Variants in SNX14 observed in about 807,000 individuals in gnomAD.
SNX14 encodes sorting nexin 14.
In SNX14, 93 loss-of-function variants were observed where a neutral mutation model predicts 133.8. The observed-to-expected ratio is 0.70, with a 90% CI of 0.59 to 0.83. The LOEUF is 0.83. SNX14 is among the 40% of genes least tolerant of loss of function. SNX14 has a pLI of 0.00. For synonymous variants in SNX14, 368 were observed against 365.6 expected (o/e 1.01, Z -0.07); for missense variants, 945 against 1,094.9 (o/e 0.86, Z 1.93).
chr6:85,575,909 GAGA>G lies in SNX14; in HGVS notation c.141-1534_141-1532del, dbSNP rs1797173059. The stretch of plus-strand genomic sequence containing the variant: ...CGCTCCATATCCCATGTTATCGGAT[GAGA>G]AGAAGACAAACACTGTTTAAGTTAC... On this transcript the variant is annotated intron_variant, in intron 1 of 28. Coordinates refer to ENST00000314673, the MANE Select transcript of SNX14 (RefSeq NM_153816.6). 2.0e-5 allele frequency among the ~76,000 whole-genome samples: 3 copies of G among 152,332 alleles called. No homozygotes were observed. In the South Asian group the frequency reaches 6.2e-4, roughly 32 times the overall value.
chr6:85,528,184 T>C (rs1294679968), intron 20 of SNX14, 78 bp downstream of exon 20: 3 of 936,390 alleles, frequency 3.2e-6, no homozygotes, highest in Non-Finnish European at 4.8e-6. Flanking sequence ...CCAAAGAACA[T>C]ATACACAAGA....
intron 19 of SNX14, among the ~76,000 whole-genome samples, chr6:85,529,267 G>A (rs995869465): frequency 6.8e-6 from 1 of 147,564 alleles, no homozygotes; most frequent in Middle Eastern, 3.6e-3. Context: ...AGGGAAACAA[G>A]GAAATGAAGG....
chr6:85,524,159 G>A (rs1357387765), intron 21 of SNX14, among the ~76,000 whole-genome samples: 1 of 151,946 alleles, frequency 6.6e-6, no homozygotes, highest in Non-Finnish European at 1.5e-5. Context: ...TCCAGCCTGG[G>A]CGACAGCGAC....
chr6:85,564,862 T>C (rs1793211611), intron 6 of SNX14, among the ~76,000 whole-genome samples: 1 of 151,564 alleles, frequency 6.6e-6, no homozygotes, highest in Non-Finnish European at 1.5e-5. Context: ...GGTGGCATAT[T>C]CCTGTAGTCC....
rs1803634479 is a variant in SNX14 at position 85,593,552 on chromosome 6, C to G, written c.140+27G>C. On this transcript the variant is annotated intron_variant, in intron 1 of 28. Transcript: ENST00000314673. ...GTCTGCACCTTCGGAGAAAAGCCGC[C>G]GCCCAGGCTCCGCGCTGCGGCGTTA... 3 of 1,591,744 alleles carry G rather than the reference C, an allele frequency of 1.9e-6. No individual in the cohort carries two copies. In the African/African-American group the frequency reaches 4.0e-5, roughly 21 times the overall value.
chr6:85,567,964 C>T (rs1794419646), intron 4 of SNX14: 1 of 153,472 alleles, frequency 6.5e-6, no homozygotes, highest in South Asian at 2.0e-4. Flanking sequence ...GCCTGGGCGA[C>T]AGAGTGAGAC....
Position 85,534,849 on chromosome 6 carries a change from A to T in SNX14, c.1609-1049T>A, listed in dbSNP as rs377137872. Among the ~76,000 whole-genome samples, 598 of 67,298 alleles carry T rather than the reference A, an allele frequency of 8.9e-3. 4 individuals are homozygous for T. The highest frequency in any genetic ancestry group is 0.031 in the African/African-American group (565 of 18,252). 44.2% of individuals were successfully genotyped at this position (67,298 alleles called of 152,430 possible). ...AGGGAAAGTTTTTTTTTTTTTTTTT[A>T]AAGAAAATCACCAAACTATTAATAG... On this transcript the variant is annotated intron_variant, in intron 17 of 28. Coordinates refer to ENST00000314673, the MANE Select transcript of SNX14 (RefSeq NM_153816.6).
chr6:85,558,048 A>G lies in SNX14; in HGVS notation c.562T>C (p.Ser188Pro). ...TTTAATAGTTTCTTGGTTATAATAG[A>G]TGGAATATCCACCTAGAAAAATTCA... ...IRRIHKVDIPSIITKKLLKAA... is the reference protein window; with the variant it reads ...IRRIHKVDIPPIITKKLLKAA... Residue 188 changes from serine (S) to proline (P), a missense_variant, in exon 7 of 29, where the codon TCT becomes CCT. Physicochemically the swap from Ser to Pro is moderately conservative, Grantham distance 74. This residue lies in a region of SNX14 where 514 missense variants were observed against 538.8 expected (regional missense o/e 0.95). Transcript: ENST00000314673. 6.5e-7 allele frequency: 1 copy of G among 1,543,874 alleles called. No homozygotes were observed. The highest frequency in any genetic ancestry group is 1.4e-5 in the African/African-American group (1 of 73,338).
At position 85,527,395 on chromosome 6, in the gene SNX14, A is replaced by G. The variant is rs544894336; in HGVS notation, c.1995+867T>C. 2.0e-3 allele frequency among the ~76,000 whole-genome samples: 129 copies of G among 65,956 alleles called. No homozygotes were observed. The African/African-American group carries it at 0.02, about 10-fold the overall frequency. The allele number at this position is 65,956 out of a possible 152,430, so 43.3% of individuals were successfully genotyped here. On this transcript the variant is annotated intron_variant, in intron 20 of 28. Coordinates refer to ENST00000314673, the MANE Select transcript of SNX14 (RefSeq NM_153816.6). ...TTATACAGAAGATACCTATATATAT[A>G]TATTTTTTTTTCAACTTAGGGTTGA...
intron 17 of SNX14, among the ~76,000 whole-genome samples, 172 bp downstream of exon 17, chr6:85,536,620 A>T (rs1276624588): frequency 1.3e-5 from 2 of 152,232 alleles, no homozygotes; most frequent in Non-Finnish European, 2.9e-5. Flanking sequence ...AAACTATCAC[A>T]ACTAATGAAA....
chr6:85,538,825 G>A lies in SNX14; in HGVS notation c.1475+13C>T, dbSNP rs1443491272. On this transcript the variant is annotated intron_variant, in intron 16 of 28. Coordinates refer to ENST00000314673, the MANE Select transcript of SNX14 (RefSeq NM_153816.6). ...CATTTAATACTGAAAAGAATCACAT[G>A]CTCAAGACTTACCGAAAATCATCCA... The A allele has an allele frequency of 6.3e-7, 1 of 1,591,930 alleles. No homozygotes were observed. The highest frequency in any genetic ancestry group is 1.1e-5 in the South Asian group (1 of 87,360).
At chr6:85,589,081 A>G (rs1167860538) in intron 1 of SNX14, 1 of 304,342 alleles carries the variant, frequency 3.3e-6, no homozygotes, top group Non-Finnish European at 6.6e-6. Flanking sequence ...ATTTTTATAT[A>G]GTACTGATCT....
intron 8 of SNX14, among the ~76,000 whole-genome samples, chr6:85,549,000 A>T (rs1483846731): frequency 6.6e-6 from 1 of 151,442 alleles, no homozygotes; most frequent in Non-Finnish European, 1.5e-5. Context: ...AAAGAAAGAA[A>T]ATACTTTCTA....
At chr6:85,563,153 C>A (rs1236197772) in intron 6 of SNX14, among the ~76,000 whole-genome samples, 1 of 151,898 alleles carries the variant, frequency 6.6e-6, no homozygotes, top group Non-Finnish European at 1.5e-5. Context: ...CATATCTTTT[C>A]TCTAGCAGTT....
intron 6 of SNX14, chr6:85,561,451 A>G (rs1791579718): frequency 6.6e-6 from 1 of 152,358 alleles, no homozygotes; most frequent in South Asian, 2.1e-4. Context: ...AATTTTGATA[A>G]ATCAATTTTT....
At chr6:85,545,060 G>A (rs1025435871) in intron 12 of SNX14, among the ~76,000 whole-genome samples, 3 of 152,150 alleles carry the variant, frequency 2.0e-5, no homozygotes, top group Admixed American at 6.6e-5. Flanking sequence ...AGGAGAGGAT[G>A]CTCTGAGGTA....
chr6:85,531,870 A>C (rs1388176889), intron 18 of SNX14, among the ~76,000 whole-genome samples: 1 of 152,026 alleles, frequency 6.6e-6, no homozygotes, highest in African/African-American at 2.4e-5. Flanking sequence ...CTACAAAAAA[A>C]TTTTAAAATT....
At chr6:85,514,858 A>T (rs111290342) in intron 23 of SNX14, among the ~76,000 whole-genome samples, 55 of 152,348 alleles carry the variant, frequency 3.6e-4, no homozygotes, top group African/African-American at 1.2e-3. Flanking sequence ...TATTCATTTT[A>T]GTTACAGTAG....
At chr6:85,522,558 G>T (rs1562220554) in intron 21 of SNX14, among the ~76,000 whole-genome samples, 1 of 152,042 alleles carries the variant, frequency 6.6e-6, no homozygotes, top group South Asian at 2.1e-4. Flanking sequence ...CTCAATAAAA[G>T]TTTACAATTT....
Sources: allele counts gnomAD v4.1 joint callset (sites outside exome capture counted in the v4.1 genomes callset), GRCh38; gene constraint gnomAD v4.1.1; regional missense constraint gnomAD v4.1.1; transcripts MANE v1.5; gene names NCBI Gene and HGNC (gene_info 2026-07-23, HGNC 2026-07-21).